The following ERC1 variants were observed in gnomAD, a reference collection of about 807,000 sequenced individuals.
The protein encoded by ERC1 is RAB6 interacting protein 2.
In ERC1, 56 loss-of-function variants were observed where a neutral mutation model predicts 132.0. That is an observed-to-expected ratio of 0.42 (90% confidence interval 0.34 to 0.53). ERC1 has a LOEUF of 0.53. Ranked by LOEUF, ERC1 falls within the 20% of genes least tolerant of loss-of-function variation. ERC1 has a pLI of 0.03. For missense variants in ERC1, 1,202 were observed against 1,349.9 expected (o/e 0.89, Z 1.72); for synonymous variants, 478 against 476.1 (o/e 1.00, Z -0.05).
chr12:1,134,515 T>TA (rs1003842545), intron 7 of ERC1, among the ~76,000 whole-genome samples: 2 of 151,798 alleles, frequency 1.3e-5, no homozygotes, highest in African/African-American at 4.8e-5. Flanking sequence ...CTTGGCTAAT[T>TA]AAAAAAAATT....
chr12:1,115,984 A>G lies in ERC1; in HGVS notation c.1520A>G (p.Lys507Arg). ...SDSKQHIEVL[K>R]ESLTAKEQRA... ...AGTAAACAGCACATTGAAGTGTTGA[A>G]GGAGTCCTTGACTGCTAAGGAGCAG... Residue 507 changes from lysine to arginine, a missense_variant, in exon 7 of 19, where the codon AAG (lysine) becomes AGG (arginine). Lys to Arg is a conservative substitution (Grantham distance 26, BLOSUM62 2). Coordinates refer to ENST00000360905, the MANE Select transcript of ERC1 (RefSeq NM_178040.4). 6.2e-7 allele frequency: 1 copy of G among 1,614,148 alleles called. No homozygotes were observed. The highest frequency in any genetic ancestry group is 1.1e-5 in the South Asian group (1 of 91,074).
chr12:1,128,524 C>T (rs958856131), intron 7 of ERC1, among the ~76,000 whole-genome samples: 3 of 152,134 alleles, frequency 2.0e-5, no homozygotes, highest in Non-Finnish European at 4.4e-5. Context: ...CGTGAGGCAC[C>T]GTGCCCAGCT....
At chr12:1,164,327 TTTATTTTATG>T (rs1394093654) in intron 8 of ERC1, among the ~76,000 whole-genome samples, 13 of 144,030 alleles carry the variant, frequency 9.0e-5, no homozygotes, top group East Asian at 2.0e-4. Flanking sequence ...ATTTTGTTAT[TTTATTTTATG>T]TTATTTTATG....
intron 15 of ERC1, among the ~76,000 whole-genome samples, chr12:1,354,441 T>C (rs1467132972): frequency 6.6e-6 from 1 of 151,986 alleles, no homozygotes; most frequent in Non-Finnish European, 1.5e-5. Context: ...GAGAATCATT[T>C]GAACCTGGGA....
At chr12:1,439,086 C>T (rs2154407203) in intron 17 of ERC1, among the ~76,000 whole-genome samples, 1 of 152,110 alleles carries the variant, frequency 6.6e-6, no homozygotes, top group African/African-American at 2.4e-5. Flanking sequence ...TGTGTTATGC[C>T]TCTCGGAATG....
intron 3 of ERC1, among the ~76,000 whole-genome samples, chr12:1,093,204 C>G (rs191786518): frequency 3.3e-5 from 5 of 152,230 alleles, no homozygotes; most frequent in South Asian, 2.1e-4. Flanking sequence ...ATTCTCCCCC[C>G]CAAAAGCCGA....
At chr12:1,012,628 G>T (rs1964884223) in intron 1 of ERC1, among the ~76,000 whole-genome samples, 1 of 151,756 alleles carries the variant, frequency 6.6e-6, no homozygotes, top group Non-Finnish European at 1.5e-5. Context: ...CCAGCTAATT[G>T]TATTTTTAGT....
intron 15 of ERC1, among the ~76,000 whole-genome samples, chr12:1,346,749 T>G (rs979009528): frequency 5.9e-5 from 9 of 151,474 alleles, no homozygotes; most frequent in Non-Finnish European, 1.3e-4. Flanking sequence ...GAGACCATCC[T>G]GGCTAACAAG....
At chr12:1,241,557 G>A (rs1344080659) in intron 13 of ERC1, among the ~76,000 whole-genome samples, 2 of 151,966 alleles carry the variant, frequency 1.3e-5, no homozygotes, top group South Asian at 2.1e-4. Context: ...ACAGAGTCAA[G>A]CATACTAGTT....
At chr12:1,480,983 TG>T in intron 18 of ERC1, 1 of 699,500 alleles carries the variant, frequency 1.4e-6, no homozygotes, top group South Asian at 1.5e-5. Flanking sequence ...AAACTGTGGA[TG>T]GTACTGAAGC....
intron 8 of ERC1, among the ~76,000 whole-genome samples, chr12:1,164,859 T>C (rs1182478008): frequency 6.6e-6 from 1 of 152,228 alleles, no homozygotes. Context: ...ATAAAATTCT[T>C]ACTCCCTTTT....
chr12:1,399,625 A>T (rs964615206), intron 16 of ERC1, among the ~76,000 whole-genome samples: 3 of 152,188 alleles, frequency 2.0e-5, no homozygotes, highest in African/African-American at 7.2e-5. Flanking sequence ...GAGATTTCAT[A>T]TAAGTGAAAT....
chr12:1,239,673 G>T (rs1220904410), intron 13 of ERC1, among the ~76,000 whole-genome samples: 2 of 152,182 alleles, frequency 1.3e-5, no homozygotes, highest in African/African-American at 2.4e-5. Context: ...AGCTGTGATT[G>T]TGCCACTATA....
chr12:1,219,279 T>C (rs1481707301), intron 12 of ERC1, among the ~76,000 whole-genome samples: 1 of 152,164 alleles, frequency 6.6e-6, no homozygotes, highest in Non-Finnish European at 1.5e-5. Context: ...ACCTACACAA[T>C]GTCTTTAGTT....
chr12:1,010,958 C>G (rs551662739), intron 1 of ERC1, among the ~76,000 whole-genome samples: 2 of 152,222 alleles, frequency 1.3e-5, no homozygotes, highest in African/African-American at 4.8e-5. Context: ...TACTAGGAAA[C>G]CTTACTGCCT....
chr12:1,305,300 C>G (rs1308441359), intron 15 of ERC1, among the ~76,000 whole-genome samples: 1 of 152,134 alleles, frequency 6.6e-6, no homozygotes, highest in African/African-American at 2.4e-5. Context: ...ATGAGTAATT[C>G]TTTTCCTACC....
At chr12:1,141,361 G>A (rs1372049282) in intron 7 of ERC1, among the ~76,000 whole-genome samples, 1 of 152,120 alleles carries the variant, frequency 6.6e-6, no homozygotes, top group African/African-American at 2.4e-5. Flanking sequence ...CAACCCTGTT[G>A]AATCAGAGAC....
intron 13 of ERC1, among the ~76,000 whole-genome samples, chr12:1,258,757 TTTC>T (rs1489021858): frequency 3.9e-5 from 6 of 152,232 alleles, no homozygotes; most frequent in Admixed American, 6.5e-5. Flanking sequence ...TTGAAAGGAA[TTTC>T]TTATCATAAT....
intron 12 of ERC1, among the ~76,000 whole-genome samples, chr12:1,210,223 T>C (rs943696302): frequency 1.3e-5 from 2 of 152,196 alleles, no homozygotes; most frequent in African/African-American, 4.8e-5. Flanking sequence ...CTGTTGTCCA[T>C]GTATGTGGCT....
Sources: gnomAD v4.1 joint callset for allele counts (sites outside exome capture counted in the v4.1 genomes callset) on GRCh38, gnomAD v4.1.1 for gene constraint, MANE v1.5 for transcripts, NCBI Gene and HGNC (gene_info 2026-07-23, HGNC 2026-07-21) for gene names.